Variants in LRRTM3 observed in about 807,000 individuals in gnomAD.
LRRTM3 encodes leucine rich repeat transmembrane neuronal 3.
Under a neutral mutation model 44.7 loss-of-function variants are expected in LRRTM3, and 24 were observed. That is an observed-to-expected ratio of 0.54 (90% confidence interval 0.39 to 0.76). The LOEUF (loss-of-function observed/expected upper bound fraction) is 0.76. Ranked by LOEUF, LRRTM3 falls within the 30% of genes least tolerant of loss-of-function variation. LRRTM3 has a pLI of 0.00. For missense variants in LRRTM3, 587 were observed against 702.2 expected (o/e 0.84, Z 1.85); for synonymous variants, 277 against 278.7 (o/e 0.99, Z 0.06).
intron 2 of LRRTM3, among the ~76,000 whole-genome samples, chr10:67,097,145 G>A (rs199905119): frequency 6.6e-6 from 1 of 151,726 alleles, no homozygotes; most frequent in South Asian, 2.1e-4. Context: ...TTAAAGAAGT[G>A]GGTGGTGATT....
chr10:66,981,837 C>A (rs1274139699), intron 2 of LRRTM3, among the ~76,000 whole-genome samples: 2 of 152,214 alleles, frequency 1.3e-5, no homozygotes, highest in Admixed American at 6.5e-5. Context: ...CACATTGCAT[C>A]ATCTTCCTGC....
At chr10:67,045,544 G>A (rs1392740162) in intron 2 of LRRTM3, among the ~76,000 whole-genome samples, 1 of 152,176 alleles carries the variant, frequency 6.6e-6, no homozygotes, top group Non-Finnish European at 1.5e-5. Context: ...GAAGCAGATA[G>A]TCTACGAATG....
intron 2 of LRRTM3, among the ~76,000 whole-genome samples, chr10:66,976,046 A>G (rs997122342): frequency 6.6e-6 from 1 of 152,174 alleles, no homozygotes; most frequent in Non-Finnish European, 1.5e-5. Context: ...AGGCCCAATA[A>G]TAGGTCAGTT....
In LRRTM3 at chr10:66,967,766, G is replaced by A. The variant is rs962371518; in HGVS notation, c.1536+39314G>A. 4.2e-4 allele frequency among the ~76,000 whole-genome samples: 64 copies of A among 152,162 alleles called. 1 individual carries two copies. The highest frequency in any genetic ancestry group is 1.4e-3 in the African/African-American group (58 of 41,510). On this transcript the variant is annotated intron_variant, in intron 2 of 2. Coordinates refer to ENST00000361320, the MANE Select transcript of LRRTM3 (RefSeq NM_178011.5). ...AGAGTGCCAGTGAGAAAAATAATCT[G>A]TTTAGTAGATTTAAATTATCATTAT... is the stretch of plus-strand genomic sequence containing the variant.
chr10:67,046,713 C>T (rs1854771901), intron 2 of LRRTM3, among the ~76,000 whole-genome samples: 1 of 152,098 alleles, frequency 6.6e-6, no homozygotes, highest in South Asian at 2.1e-4. Flanking sequence ...TGTATTGACT[C>T]AGCATTTTGT....
intron 2 of LRRTM3, among the ~76,000 whole-genome samples, chr10:66,989,742 T>C (rs1172733315): frequency 6.6e-6 from 1 of 152,150 alleles, no homozygotes; most frequent in Non-Finnish European, 1.5e-5. Context: ...GTGAATTTCC[T>C]CAGAAAATTC....
intron 2 of LRRTM3, among the ~76,000 whole-genome samples, chr10:66,949,077 A>T (rs1483837912): frequency 5.9e-5 from 9 of 152,236 alleles, no homozygotes; most frequent in African/African-American, 2.2e-4. Flanking sequence ...AACATTAGCA[A>T]AAATTTATAA....
At chr10:66,992,538 T>A (rs910643328) in intron 2 of LRRTM3, among the ~76,000 whole-genome samples, 4 of 148,182 alleles carry the variant, frequency 2.7e-5, no homozygotes, top group Admixed American at 2.0e-4. Context: ...TGTCCTTTAC[T>A]TTTTTTTTAA....
At chr10:67,049,572 A>C (rs1362778931) in intron 2 of LRRTM3, among the ~76,000 whole-genome samples, 1 of 152,192 alleles carries the variant, frequency 6.6e-6, no homozygotes, top group Non-Finnish European at 1.5e-5. Context: ...TTATTTCACA[A>C]GGTTGCTTTG....
At position 66,967,615 on chromosome 10, in the gene LRRTM3, AT is replaced by A. The variant is rs1303885259; in HGVS notation, c.1536+39165del. ...GAGGCGGGACTATGTAAAACAGTCC[AT>A]TAAAATAATTTTCCCAGATCAAATA... On this transcript the variant is annotated intron_variant, in intron 2 of 2. Transcript: ENST00000361320. Among the ~76,000 whole-genome samples the A allele has an allele frequency of 1.1e-4, 17 of 152,180 alleles. 1 individual carries two copies. The East Asian group carries it at 3.3e-3, about 29-fold the overall frequency.
At chr10:66,941,053 C>T (rs1047145463) in intron 2 of LRRTM3, among the ~76,000 whole-genome samples, 6 of 152,110 alleles carry the variant, frequency 3.9e-5, no homozygotes, top group Non-Finnish European at 1.5e-5. Flanking sequence ...CTCTTAAAGA[C>T]GATGGGGGAA....
chr10:67,036,921 G>A (rs73327001), intron 2 of LRRTM3, among the ~76,000 whole-genome samples: 2,424 of 152,176 alleles, frequency 0.016, 60 homozygotes, highest in African/African-American at 0.055. Context: ...GAAGGAAAGG[G>A]TAGTTGTTTT....
chr10:67,024,650 C>A (rs1427013302), intron 2 of LRRTM3, among the ~76,000 whole-genome samples: 1 of 152,058 alleles, frequency 6.6e-6, no homozygotes, highest in Non-Finnish European at 1.5e-5. Flanking sequence ...GTGTAACCAG[C>A]AAAAGTTACC....
chr10:67,097,801 G>A lies in LRRTM3; in HGVS notation c.*5G>A. 2 of 1,611,882 alleles carry A rather than the reference G, an allele frequency of 1.2e-6. No homozygotes were observed. The highest frequency in any genetic ancestry group is 1.7e-6 in the Non-Finnish European group (2 of 1,178,568). ...CATAAACAGCAGCTAGCTTAACTGA[G>A]ATCATTGGTAGCCAGGGGTTGCTAC... On this transcript the variant is annotated 3_prime_UTR_variant, in exon 3 of 3. Coordinates refer to ENST00000361320, the MANE Select transcript of LRRTM3 (RefSeq NM_178011.5).
chr10:66,990,587 T>C (rs1850988266), intron 2 of LRRTM3, among the ~76,000 whole-genome samples: 1 of 152,148 alleles, frequency 6.6e-6, no homozygotes, highest in Non-Finnish European at 1.5e-5. Context: ...TCAAGGTAAC[T>C]GAGAAATAAA....
chr10:67,017,722 CATCTGTG>C (rs1852741508), intron 2 of LRRTM3, among the ~76,000 whole-genome samples: 1 of 141,360 alleles, frequency 7.1e-6, no homozygotes, highest in Non-Finnish European at 1.5e-5. Flanking sequence ...TCACAAAAAT[CATCTGTG>C]TGTGTGTGTG....
intron 2 of LRRTM3, among the ~76,000 whole-genome samples, chr10:67,056,341 A>T (rs1006517359): frequency 1.3e-5 from 2 of 152,162 alleles, no homozygotes; most frequent in African/African-American, 4.8e-5. Context: ...AGTTACTTCT[A>T]TGCATAATTG....
rs78153530 is a variant in LRRTM3, at chr10:66,941,794, C to G, written c.1536+13342C>G. On this transcript the variant is annotated intron_variant, in intron 2 of 2. Transcript: ENST00000361320. Reference sequence around the variant, plus strand: ...CAAATGACATCTTAGAAGACAAAAGCAAAAAATGACAAAAGAGGTTCTTAT... The same window carrying G: ...CAAATGACATCTTAGAAGACAAAAGGAAAAAATGACAAAAGAGGTTCTTAT... Among the ~76,000 whole-genome samples, 82 of 151,998 alleles carry G rather than the reference C, an allele frequency of 5.4e-4. 3 individuals are homozygous for G. In the East Asian group the frequency reaches 0.015, roughly 28 times the overall value.
chr10:67,086,302 C>G (rs1426030086), intron 2 of LRRTM3, among the ~76,000 whole-genome samples: 1 of 151,978 alleles, frequency 6.6e-6, no homozygotes, highest in East Asian at 1.9e-4. Context: ...GATTTTTATG[C>G]AACCTGGCAG....
Sources: gnomAD v4.1 joint callset for allele counts (sites outside exome capture counted in the v4.1 genomes callset) on GRCh38, gnomAD v4.1.1 for gene constraint, MANE v1.5 for transcripts, NCBI Gene and HGNC (gene_info 2026-07-23, HGNC 2026-07-21) for gene names.